TESPA1: variants seen among roughly 807,000 people sequenced by gnomAD.
The protein encoded by TESPA1 is protein TESPA1.
A neutral mutation model predicts 57.9 loss-of-function variants in TESPA1; 33 were observed. That is an observed-to-expected ratio of 0.57 (90% CI 0.43 to 0.76). The LOEUF (loss-of-function observed/expected upper bound fraction) is 0.76. Ranked by LOEUF, TESPA1 falls within the 30% of genes least tolerant of loss-of-function variation. TESPA1 has a pLI of 0.00. For missense variants in TESPA1, 618 were observed against 632.9 expected (o/e 0.98, Z 0.25); for synonymous variants, 227 against 228.9 (o/e 0.99, Z 0.07).
chr12:54,956,143 C>A (rs932777897), intron 10 of TESPA1, among the ~76,000 whole-genome samples: 5 of 152,110 alleles, frequency 3.3e-5, no homozygotes, highest in African/African-American at 9.7e-5. Context: ...CTGTAGCTAC[C>A]CAACTTACAC....
intron 3 of TESPA1, among the ~76,000 whole-genome samples, chr12:54,972,596 G>A (rs149998515): frequency 1.3e-5 from 2 of 152,134 alleles, no homozygotes; most frequent in Non-Finnish European, 2.9e-5. Context: ...TTATGAATAA[G>A]ATGAGGGCAA....
upstream of TESPA1, among the ~76,000 whole-genome samples, chr12:54,985,129 G>C (rs1415110463): frequency 1.3e-5 from 2 of 152,146 alleles, no homozygotes; most frequent in Non-Finnish European, 2.9e-5. Flanking sequence ...GTTTCCAGTC[G>C]TATCACACAC....
intron 10 of TESPA1, among the ~76,000 whole-genome samples, chr12:54,954,727 T>C (rs1376143636): frequency 7.1e-6 from 1 of 140,304 alleles, no homozygotes; most frequent in Non-Finnish European, 1.5e-5. Context: ...AGAGATGATG[T>C]CCACAGGATT....
upstream of TESPA1, among the ~76,000 whole-genome samples, chr12:54,985,015 T>C (rs745781829): frequency 1.3e-5 from 2 of 152,200 alleles, no homozygotes; most frequent in African/African-American, 2.4e-5. Flanking sequence ...ACCATATAAC[T>C]AGAATTCCAC....
chr12:54,967,706 G>C, intron 4 of TESPA1, 137 bp downstream of exon 4: 1 of 1,030,734 alleles, frequency 9.7e-7, no homozygotes, highest in East Asian at 2.6e-5. Flanking sequence ...ATAGTGTTTT[G>C]CAGCCAGTTT....
intron 3 of TESPA1, among the ~76,000 whole-genome samples, chr12:54,969,382 T>C (rs1328448769): frequency 6.6e-6 from 1 of 152,108 alleles, no homozygotes; most frequent in African/African-American, 2.4e-5. Context: ...TACTAGAATA[T>C]TGCAATTTAC....
chr12:54,956,586 C>T (rs1950750613), intron 10 of TESPA1, among the ~76,000 whole-genome samples: 1 of 152,070 alleles, frequency 6.6e-6, no homozygotes, highest in Non-Finnish European at 1.5e-5. Flanking sequence ...AGATTAAAAC[C>T]TCTTTCCCAG....
intron 1 of TESPA1, among the ~76,000 whole-genome samples, chr12:54,983,587 G>T (rs1364102387): frequency 6.6e-6 from 1 of 152,094 alleles, no homozygotes; most frequent in African/African-American, 2.4e-5. Context: ...GACCATTTGT[G>T]GTATACAGAG....
chr12:54,954,019 T>C (rs1181098722), intron 10 of TESPA1, among the ~76,000 whole-genome samples: 1 of 152,242 alleles, frequency 6.6e-6, no homozygotes, highest in Non-Finnish European at 1.5e-5. Flanking sequence ...CTCTTGCTGG[T>C]GACTTTATAA....
chr12:54,960,347 C>T (rs989890222), intron 10 of TESPA1, among the ~76,000 whole-genome samples: 65 of 152,128 alleles, frequency 4.3e-4, no homozygotes, highest in Non-Finnish European at 7.6e-4. Flanking sequence ...AAACTCATAT[C>T]TGGAGGAAAG....
chr12:54,953,972 A>G (rs781774871), intron 10 of TESPA1, among the ~76,000 whole-genome samples: 2 of 152,262 alleles, frequency 1.3e-5, no homozygotes, highest in Non-Finnish European at 2.9e-5. Context: ...AGCTCAAAGC[A>G]TCCTGTGAAC....
At chr12:54,984,936 A>C (rs1008265537), upstream of TESPA1, among the ~76,000 whole-genome samples, 12 of 152,192 alleles carry the variant, frequency 7.9e-5, no homozygotes, top group Admixed American at 1.3e-4. Context: ...TTTCCAGAAA[A>C]ACAGGAGATC....
Position 54,963,866 on chromosome 12 carries a change from G to A in TESPA1, c.531C>T (p.Asp177=). The A allele has an allele frequency of 6.2e-7, 1 of 1,613,988 alleles. No homozygotes were observed. ...SLGFGQEDHK[D]TSRIPARFFT... The stretch of plus-strand genomic sequence containing the variant: ...AAAATCGGGCGGGTATCCGAGAAGT[G>A]TCTTTGTGATCCTCTTGGCCAAAGC... The change falls in exon 8 of 11, where the codon GAC becomes GAT. Residue 177 remains aspartate, a synonymous_variant. Coordinates refer to ENST00000449076, the MANE Select transcript of TESPA1 (RefSeq NM_001136030.3).
rs372965252 is a variant in TESPA1 at position 54,948,730 on chromosome 12, C to T, written c.*1662G>A. The T allele has an allele frequency of 6.6e-6, 1 of 152,478 alleles. No homozygotes were observed. Among genetic ancestry groups the T allele is most frequent in the East Asian group, 1.9e-4 (1 of 5,182 alleles). 9.4% of individuals were successfully genotyped at this position (152,478 alleles called of 1,614,324 possible). On this transcript the variant is annotated 3_prime_UTR_variant, in exon 11 of 11. Coordinates refer to ENST00000449076, the MANE Select transcript of TESPA1 (RefSeq NM_001136030.3). ...CTTTTCTGTATAAATTACCCAGTCT[C>T]AGGTATTTATTTATAGCAGTGTGAG...
At chr12:54,967,117 T>C in intron 5 of TESPA1, 66 bp downstream of exon 5, 1 of 1,580,362 alleles carries the variant, frequency 6.3e-7, no homozygotes. Context: ...ACTTCCATCC[T>C]ATCCTGAATT....
intron 3 of TESPA1, among the ~76,000 whole-genome samples, chr12:54,970,654 A>G (rs1393889206): frequency 1.3e-5 from 2 of 152,200 alleles, no homozygotes; most frequent in Admixed American, 6.5e-5. Context: ...CGGATAGGCC[A>G]TAAAATCAAT....
chr12:54,959,126 TA>T (rs146181052), intron 10 of TESPA1, among the ~76,000 whole-genome samples: 2,127 of 152,316 alleles, frequency 0.014, 48 homozygotes, highest in African/African-American at 0.048. Flanking sequence ...TGGTAAGGTT[TA>T]GGGAGAAGGG....
At position 54,964,196 on chromosome 12, in the gene TESPA1, A is replaced by T. The variant is rs117393510; in HGVS notation, c.447-246T>A. Among the ~76,000 whole-genome samples, 513 of 152,352 alleles carry T rather than the reference A, an allele frequency of 3.4e-3. 2 individuals are homozygous for T. Among genetic ancestry groups the T allele is most frequent in the Admixed American group, 5.0e-3 (77 of 15,300 alleles). On this transcript the variant is annotated intron_variant, in intron 7 of 10. Coordinates refer to ENST00000449076, the MANE Select transcript of TESPA1 (RefSeq NM_001136030.3). The stretch of plus-strand genomic sequence containing the variant: ...AAATTTTAGTACAGTACTTTGAACA[A>T]CTTATTGCAGACGAATAAAAATTTA...
intron 10 of TESPA1, among the ~76,000 whole-genome samples, chr12:54,958,499 TGCG>T (rs1214417527): frequency 0.083 from 12,523 of 151,440 alleles, 1,309 homozygotes; most frequent in African/African-American, 0.23. Flanking sequence ...CGTTTTTTTG[TGCG>T]TGTGTTTATT....
Sources: gnomAD v4.1 joint callset for allele counts (sites outside exome capture counted in the v4.1 genomes callset) on GRCh38, gnomAD v4.1.1 for gene constraint, MANE v1.5 for transcripts, NCBI Gene and HGNC (gene_info 2026-07-23, HGNC 2026-07-21) for gene names.